The following PRR7 variants were observed in gnomAD, a reference collection of about 807,000 sequenced individuals.
PRR7 encodes proline rich 7, synaptic, also known as proline-rich protein 7.
In PRR7, 8 loss-of-function variants were observed where a neutral mutation model predicts 18.5. That is an observed-to-expected ratio of 0.43 (90% CI 0.25 to 0.78). The LOEUF is 0.78. Among genes scored for constraint, PRR7 ranks in the 30% least tolerant of loss-of-function variants. PRR7 has a pLI of 0.22. For synonymous variants in PRR7, 221 were observed against 187.7 expected, an observed-to-expected ratio of 1.18 and a Z score of -1.45; for missense variants, 396 against 403.1, an observed-to-expected ratio of 0.98 and a Z score of 0.15.
Position 177,455,645 on chromosome 5 carries a change from G to C in PRR7, c.428-79G>C. The stretch of plus-strand genomic sequence containing the variant: ...CGGGTTCGGGCTAGGGCTGGGGCGC[G>C]GGCGGCCCCTGGCCGGGGCCTCTGC... On this transcript the variant is annotated intron_variant, in intron 3 of 3. Transcript: ENST00000323249. The surrounding 1 kb of genome is among the most constrained non-coding windows in gnomAD (Gnocchi z 6.9). The C allele has an allele frequency of 7.0e-7, 1 of 1,422,710 alleles. No individual in the cohort carries two copies. Among genetic ancestry groups the C allele is most frequent in the Non-Finnish European group, 9.2e-7 (1 of 1,083,702 alleles). 88.1% of individuals were successfully genotyped at this position (1,422,710 alleles called of 1,614,324 possible).
rs1756397336 is a variant in PRR7, at chr5:177,455,718, C to T, written c.428-6C>T. 1 of 1,575,520 alleles carries T rather than the reference C, an allele frequency of 6.3e-7. No homozygotes were observed. The highest frequency in any genetic ancestry group is 8.6e-7 in the Non-Finnish European group (1 of 1,158,026). ...TCACCTCCTCCGACCGCCTCCCACT[C>T]CGCAGCGGAATCGGACATGTCCAAA... is the stretch of plus-strand genomic sequence containing the variant. On this transcript the variant is annotated splice_polypyrimidine_tract_variant and splice_region_variant and intron_variant, in intron 3 of 3. Transcript: ENST00000323249. This position sits in a 1 kb window ranked among gnomAD's most constrained non-coding sequence, Gnocchi z 6.9.
In PRR7 at chr5:177,450,511, C is replaced by T. The variant is rs116352232; in HGVS notation, c.-324-3445C>T. ...AGAGCCAGCCCTTGAGGTACTCCCC[C>T]GGTCCCACAGCTAAAAGACCAACCA... is the stretch of plus-strand genomic sequence containing the variant. On this transcript the variant is annotated intron_variant, in intron 1 of 3. Transcript: ENST00000323249. This position sits in a 1 kb window ranked among gnomAD's most constrained non-coding sequence, Gnocchi z 6.6. Among the ~76,000 whole-genome samples, 535 of 152,302 alleles carry T rather than the reference C, an allele frequency of 3.5e-3. 2 individuals are homozygous for T. Among genetic ancestry groups the T allele is most frequent in the African/African-American group, 0.012 (500 of 41,560 alleles).
In PRR7 at chr5:177,456,134, C is replaced by G; in HGVS notation, c.*13C>G. ...TACAGCCGTATAGAGGGGCGCCCGG[C>G]GCCCCGGGCCCCACCGGCGGACTCC... is the stretch of plus-strand genomic sequence containing the variant. On this transcript the variant is annotated 3_prime_UTR_variant, in exon 4 of 4. Transcript: ENST00000323249. 7.1e-7 allele frequency: 1 copy of G among 1,418,176 alleles called. No individual in the cohort carries two copies. Among genetic ancestry groups the G allele is most frequent in the Non-Finnish European group, 9.1e-7 (1 of 1,093,492 alleles). The allele number at this position is 1,418,176 out of a possible 1,614,324, so 87.8% of individuals were successfully genotyped here.
At position 177,454,638 on chromosome 5, in the gene PRR7, A is replaced by C. The variant is rs1328469329; in HGVS notation, c.-239-191A>C. Among the ~76,000 whole-genome samples, 1 of 151,882 alleles carries C rather than the reference A, an allele frequency of 6.6e-6. No homozygotes were observed. ...GGCTCCGCGGCGGCGGCCGGGGCTC[A>C]GATCGGGGAAACCCTACCGGGGAAA... is the stretch of plus-strand genomic sequence containing the variant. On this transcript the variant is annotated intron_variant, in intron 2 of 3. Transcript: ENST00000323249. The surrounding 1 kb of genome is among the most constrained non-coding windows in gnomAD (Gnocchi z 4.7).
At position 177,456,161 on chromosome 5, in the gene PRR7, G is replaced by A; in HGVS notation, c.*40G>A. ...CCCCGGGCCCCACCGGCGGACTCCT[G>A]GCCTGACTGCGGGGCTTTTTAAATG... On this transcript the variant is annotated 3_prime_UTR_variant, in exon 4 of 4. Transcript: ENST00000323249. 1 of 1,410,850 alleles carries A rather than the reference G, an allele frequency of 7.1e-7. No individual in the cohort carries two copies. The highest frequency in any genetic ancestry group is 2.7e-5 in the East Asian group (1 of 36,382). 87.4% of individuals were successfully genotyped at this position (1,410,850 alleles called of 1,614,324 possible). A position where few individuals can be genotyped will look rare whatever the true frequency, so the allele number is the denominator to read the frequency against.
Position 177,455,667 on chromosome 5 carries a change from C to T in PRR7, c.428-57C>T. 1 of 1,475,382 alleles carries T rather than the reference C, an allele frequency of 6.8e-7. No homozygotes were observed. The highest frequency in any genetic ancestry group is 9.0e-7 in the Non-Finnish European group (1 of 1,109,568). The allele number at this position is 1,475,382 out of a possible 1,614,324, so 91.4% of individuals were successfully genotyped here. ...CGCGGGCGGCCCCTGGCCGGGGCCT[C>T]TGCGAGAGGCTGGGAACCGGCGGCC... On this transcript the variant is annotated intron_variant, in intron 3 of 3. Transcript: ENST00000323249. This position sits in a 1 kb window ranked among gnomAD's most constrained non-coding sequence, Gnocchi z 6.9.
Position 177,454,478 on chromosome 5 carries a change from G to A in PRR7, c.-239-351G>A, listed in dbSNP as rs1756299261. Among the ~76,000 whole-genome samples the A allele has an allele frequency of 1.3e-5, 2 of 152,190 alleles. No individual in the cohort carries two copies. On this transcript the variant is annotated intron_variant, in intron 2 of 3. Transcript: ENST00000323249. The surrounding 1 kb of genome is among the most constrained non-coding windows in gnomAD (Gnocchi z 4.7). ...CAACGGCGCCGAGACGCCTCTTCAGGGACCTGGTGCGCACAGGCTCCTGAA... is the reference window on the plus strand; with the variant it reads ...CAACGGCGCCGAGACGCCTCTTCAGAGACCTGGTGCGCACAGGCTCCTGAA...
In PRR7 at chr5:177,454,100, A is replaced by G. The variant is rs578174910; in HGVS notation, c.-240+60A>G. 2 of 152,608 alleles carry G rather than the reference A, an allele frequency of 1.3e-5. No individual in the cohort carries two copies. The highest frequency in any genetic ancestry group is 4.1e-4 in the South Asian group (2 of 4,836). 9.5% of individuals were successfully genotyped at this position (152,608 alleles called of 1,614,324 possible). A position where few individuals can be genotyped will look rare whatever the true frequency, so the allele number is the denominator to read the frequency against. On this transcript the variant is annotated intron_variant, in intron 2 of 3. Transcript: ENST00000323249. The surrounding 1 kb of genome is among the most constrained non-coding windows in gnomAD (Gnocchi z 4.7). ...AGTTTTCCTCCCCTCCGCGAGAGGG[A>G]AAGGGAGACGGCGGCCTGAAGACAG...
Position 177,454,996 on chromosome 5 carries a change from C to T in PRR7, c.-72C>T. The T allele has an allele frequency of 7.3e-7, 1 of 1,374,214 alleles. No individual in the cohort carries two copies. Among genetic ancestry groups the T allele is most frequent in the Non-Finnish European group, 9.4e-7 (1 of 1,064,426 alleles). 85.1% of individuals were successfully genotyped at this position (1,374,214 alleles called of 1,614,324 possible). The stretch of plus-strand genomic sequence containing the variant: ...GCTGGCGGCACCTGAGAGTGTGGCG[C>T]GGGCCCGGGGCCACGCAGCGGAGCC... On this transcript the variant is annotated 5_prime_UTR_variant, in exon 3 of 4. Transcript: ENST00000323249. The surrounding 1 kb of genome is among the most constrained non-coding windows in gnomAD (Gnocchi z 4.7).
intron 1 of PRR7, among the ~76,000 whole-genome samples, chr5:177,447,877 T>C (rs1207965872): frequency 6.6e-6 from 1 of 152,158 alleles, no homozygotes; most frequent in African/African-American, 2.4e-5. Flanking sequence ...AAGTGCCCCT[T>C]TCTTGTCTGA....
rs1423165321 is a variant in PRR7 at position 177,455,430 on chromosome 5, G to C, written c.363G>C (p.Ala121=). ...AHAHPHPHHH[A]LPHPPPTHLS... Reference sequence around the variant, plus strand: ...CGCACCCACACCCGCACCACCACGCGCTCCCGCACCCGCCGCCTACGCACC... The same window carrying C: ...CGCACCCACACCCGCACCACCACGCCCTCCCGCACCCGCCGCCTACGCACC... Residue 121 remains alanine, a synonymous_variant, in exon 3 of 4, where the codon GCG becomes GCC. Coordinates refer to ENST00000323249, the MANE Select transcript of PRR7 (RefSeq NM_030567.5). The surrounding 1 kb of genome is among the most constrained non-coding windows in gnomAD (Gnocchi z 6.9). 3 of 1,504,096 alleles carry C rather than the reference G, an allele frequency of 2.0e-6. No individual in the cohort carries two copies. In the South Asian group the frequency reaches 3.7e-5, roughly 19 times the overall value. The allele number at this position is 1,504,096 out of a possible 1,614,324, so 93.2% of individuals were successfully genotyped here.
chr5:177,451,326 C>T (rs1211955784), intron 1 of PRR7, among the ~76,000 whole-genome samples: 5 of 152,012 alleles, frequency 3.3e-5, no homozygotes, highest in Non-Finnish European at 5.9e-5. Flanking sequence ...CAGCCTGCTT[C>T]GGAGAGTGAG....
At chr5:177,453,109 C>CT in intron 1 of PRR7, among the ~76,000 whole-genome samples, 1 of 152,332 alleles carries the variant, frequency 6.6e-6, no homozygotes, top group African/African-American at 2.4e-5. Context: ...ATCTCCCTGT[C>CT]TATCAAATGG....
chr5:177,450,200 C>G lies in PRR7; in HGVS notation c.-325+3240C>G, dbSNP rs956969997. Among the ~76,000 whole-genome samples the G allele has an allele frequency of 7.9e-5, 12 of 152,070 alleles. No homozygotes were observed. Among genetic ancestry groups the G allele is most frequent in the African/African-American group, 2.9e-4 (12 of 41,382 alleles). On this transcript the variant is annotated intron_variant, in intron 1 of 3. Transcript: ENST00000323249. This position sits in a 1 kb window ranked among gnomAD's most constrained non-coding sequence, Gnocchi z 6.6. ...GACAGGCTGTCAGTCTGTCCTGCCC[C>G]CCAGCCCTCACCCCCTGCTCTGAGT... is the stretch of plus-strand genomic sequence containing the variant.
chr5:177,455,724 C>T lies in PRR7; in HGVS notation c.428C>T (p.Ala143Val), dbSNP rs1445279602. 1.3e-6 allele frequency: 2 copies of T among 1,578,470 alleles called. No homozygotes were observed. Among genetic ancestry groups the T allele is most frequent in the Non-Finnish European group, 1.7e-6 (2 of 1,159,084 alleles). Residue 143 changes from alanine (A) to valine (V), a missense_variant and splice_region_variant, in exon 4 of 4, where the codon GCG becomes GTG. Ala to Val is a moderately conservative substitution (Grantham distance 64, BLOSUM62 0). Coordinates refer to ENST00000323249, the MANE Select transcript of PRR7 (RefSeq NM_030567.5). The surrounding 1 kb of genome is among the most constrained non-coding windows in gnomAD (Gnocchi z 6.9). ...CCTCCGACCGCCTCCCACTCCGCAGCGGAATCGGACATGTCCAAACCACCG... is the reference window on the plus strand; with the variant it reads ...CCTCCGACCGCCTCCCACTCCGCAGTGGAATCGGACATGTCCAAACCACCG... The part of the protein sequence containing the change: ...PPRPWSYPRQ[A>V]ESDMSKPPCY...
Position 177,446,934 on chromosome 5 carries a change from A to C in PRR7, c.-351A>C, listed in dbSNP as rs2127385501. 2.0e-5 allele frequency: 3 copies of C among 151,606 alleles called. No individual in the cohort carries two copies. Among genetic ancestry groups the C allele is most frequent in the East Asian group, 2.0e-4 (1 of 5,092 alleles). 9.4% of individuals were successfully genotyped at this position (151,606 alleles called of 1,614,324 possible). On this transcript the variant is annotated 5_prime_UTR_variant, in exon 1 of 4. Coordinates refer to ENST00000323249, the MANE Select transcript of PRR7 (RefSeq NM_030567.5). This position sits in a 1 kb window ranked among gnomAD's most constrained non-coding sequence, Gnocchi z 5.3. The stretch of plus-strand genomic sequence containing the variant: ...GCGCTGCTCGCCCCGAGCCAGGAGA[A>C]CGAGCTCGAGGAGGATGCCTGGGCC...
At chr5:177,451,896 CCAT>C (rs1292859001) in intron 1 of PRR7, among the ~76,000 whole-genome samples, 2 of 152,162 alleles carry the variant, frequency 1.3e-5, no homozygotes, top group African/African-American at 4.8e-5. Context: ...TCAGAAACCA[CCAT>C]CATCAGAGCT....
chr5:177,455,406 G>C lies in PRR7; in HGVS notation c.339G>C (p.Ala113=). The C allele has an allele frequency of 2.7e-6, 4 of 1,496,426 alleles. No individual in the cohort carries two copies. Among genetic ancestry groups the C allele is most frequent in the Non-Finnish European group, 3.5e-6 (4 of 1,129,696 alleles). The allele number at this position is 1,496,426 out of a possible 1,614,324, so 92.7% of individuals were successfully genotyped here. ...GGCCCGCGCAGCCGCACGCGCACGC[G>C]CACCCACACCCGCACCACCACGCGC... ...HHGPAQPHAH[A]HPHPHHHALP... The change falls in exon 3 of 4, where the codon GCG becomes GCC. Residue 113 remains alanine (A), a synonymous_variant. Coordinates refer to ENST00000323249, the MANE Select transcript of PRR7 (RefSeq NM_030567.5). The surrounding 1 kb of genome is among the most constrained non-coding windows in gnomAD (Gnocchi z 6.9).
At chr5:177,447,106 C>A (rs926067572) in intron 1 of PRR7, 146 bp downstream of exon 1, 1 of 152,192 alleles carries the variant, frequency 6.6e-6, no homozygotes, top group Admixed American at 6.5e-5. Flanking sequence ...AGCAGCCCCT[C>A]CCCCAGTCCA....
Sources: allele counts gnomAD v4.1 joint callset (sites outside exome capture counted in the v4.1 genomes callset), GRCh38; gene constraint gnomAD v4.1.1; non-coding constraint Gnocchi (gnomAD v3.1); transcripts MANE v1.5; gene names NCBI Gene and HGNC (gene_info 2026-07-23, HGNC 2026-07-21).